OSBPL1A: variants seen among roughly 807,000 people sequenced by gnomAD.
OSBPL1A encodes oxysterol binding protein like 1A.
A neutral mutation model predicts 137.1 loss-of-function variants in OSBPL1A; 80 were observed. The ratio of observed to expected loss-of-function variants is 0.58; its 90% CI spans 0.49 to 0.70. The LOEUF is 0.70. Ranked by LOEUF, OSBPL1A falls within the 30% of genes least tolerant of loss-of-function variation. The probability of loss-of-function intolerance (pLI) is 0.00; values close to 1 mark genes in which losing one functional copy is unlikely to be tolerated. For synonymous variants in OSBPL1A, 365 were observed against 389.7 expected (o/e 0.94, Z 0.75); for missense variants, 970 against 1,129.4 (o/e 0.86, Z 2.02).
intron 10 of OSBPL1A, 23 bp from the exon 11 acceptor site, chr18:24,317,235 T>C (rs1335604366): frequency 1.9e-6 from 3 of 1,612,798 alleles, no homozygotes; most frequent in African/African-American, 2.7e-5. Context: ...AATGAAATTA[T>C]CAAGACAAAA....
intron 18 of OSBPL1A, 163 bp downstream of exon 18, chr18:24,195,962 T>C: frequency 1.6e-6 from 1 of 616,306 alleles, no homozygotes; most frequent in Non-Finnish European, 2.9e-6. Flanking sequence ...GCTCAAATTC[T>C]TGTCAGAAAA....
rs2090922445 is a variant in OSBPL1A at position 24,324,118 on chromosome 18, G to A, written c.626-5309C>T. Among the ~76,000 whole-genome samples the A allele has an allele frequency of 2.6e-5, 2 of 77,384 alleles. 1 individual carries two copies. The highest frequency in any genetic ancestry group is 1.4e-4 in the African/African-American group (2 of 14,212). 50.8% of individuals were successfully genotyped at this position (77,384 alleles called of 152,430 possible). On this transcript the variant is annotated intron_variant, in intron 7 of 27. Transcript: ENST00000319481. ...AGCACTTGTAATCCCAGCTACTCAG[G>A]AGGCTGAGGCAGAGAACTGCTTGAA...
At chr18:24,244,982 G>C (rs1288215451) in intron 15 of OSBPL1A, among the ~76,000 whole-genome samples, 1 of 152,166 alleles carries the variant, frequency 6.6e-6, no homozygotes, top group Non-Finnish European at 1.5e-5. Context: ...TTGATGATCA[G>C]TCTTCCAACT....
chr18:24,337,140 A>G (rs944187236), intron 5 of OSBPL1A, among the ~76,000 whole-genome samples: 1 of 152,158 alleles, frequency 6.6e-6, no homozygotes, highest in African/African-American at 2.4e-5. Context: ...TAATCACAAG[A>G]GAAAAACCAA....
At chr18:24,376,398 T>C (rs1359626473) in intron 2 of OSBPL1A, among the ~76,000 whole-genome samples, 5 of 152,162 alleles carry the variant, frequency 3.3e-5, no homozygotes, top group African/African-American at 9.7e-5. Flanking sequence ...AGGGTGCTGA[T>C]TGGTGTGTTT....
chr18:24,395,400 G>A (rs1223470347), intron 1 of OSBPL1A, among the ~76,000 whole-genome samples: 2 of 152,120 alleles, frequency 1.3e-5, no homozygotes, highest in Non-Finnish European at 2.9e-5. Context: ...CAAGAGGTAA[G>A]AAACTGACAC....
In OSBPL1A at chr18:24,331,551, C is replaced by T. The variant is rs9989572; in HGVS notation, c.625+1391G>A. 6.7e-3 allele frequency among the ~76,000 whole-genome samples: 1,018 copies of T among 151,752 alleles called. 24 individuals carry two copies. The highest frequency in any genetic ancestry group is 0.023 in the African/African-American group (956 of 41,244). ...AGCTGGGACTACAGGCGCCCGCCACCACGCCCGGCTAATTTTTTGTATTTT... is the reference window on the plus strand; with the variant it reads ...AGCTGGGACTACAGGCGCCCGCCACTACGCCCGGCTAATTTTTTGTATTTT... On this transcript the variant is annotated intron_variant, in intron 7 of 27. Coordinates refer to ENST00000319481, the MANE Select transcript of OSBPL1A (RefSeq NM_080597.4).
intron 21 of OSBPL1A, among the ~76,000 whole-genome samples, chr18:24,172,928 A>C (rs1251526453): frequency 6.6e-6 from 1 of 152,186 alleles, no homozygotes; most frequent in Non-Finnish European, 1.5e-5. Flanking sequence ...AAATCATTCT[A>C]CCATAAAGAT....
Position 24,368,367 on chromosome 18 carries a change from T to C in OSBPL1A, c.127A>G (p.Ser43Gly), listed in dbSNP as rs554660146. The C allele has an allele frequency of 9.9e-6, 16 of 1,611,834 alleles. No individual in the cohort carries two copies. In the Admixed American group the frequency reaches 1.3e-4, roughly 13 times the overall value. The change falls in exon 3 of 28, where the codon AGT (serine) becomes GGT (glycine). Residue 43 changes from serine (S) to glycine (G), a missense_variant. By Grantham distance (56) the Ser-to-Gly change is moderately conservative (BLOSUM62 0). Transcript: ENST00000319481. ...VIADINCKGR[S>G]KSNLGWTPLH... ...GGTGTCCAGCCCAAGTTAGACTTAC[T>C]TCTTCCTAAAAATGGAAAAATATAA...
chr18:24,237,960 G>T (rs1003773443), intron 16 of OSBPL1A, among the ~76,000 whole-genome samples: 1 of 151,992 alleles, frequency 6.6e-6, no homozygotes. Flanking sequence ...TTGTCCAATT[G>T]TTCCCAAATC....
intron 18 of OSBPL1A, among the ~76,000 whole-genome samples, chr18:24,193,437 G>A (rs1288494128): frequency 6.7e-6 from 1 of 149,532 alleles, no homozygotes; most frequent in Non-Finnish European, 1.5e-5. Context: ...GCAGTGAGCC[G>A]AGACTGCACC....
At chr18:24,341,733 A>G in intron 4 of OSBPL1A, 75 bp from the exon 5 acceptor site, 1 of 911,758 alleles carries the variant, frequency 1.1e-6, no homozygotes, top group East Asian at 2.5e-5. Context: ...CAAATTACTA[A>G]CTACTACAGA....
At chr18:24,327,602 T>C (rs2091004990) in intron 7 of OSBPL1A, among the ~76,000 whole-genome samples, 1 of 151,766 alleles carries the variant, frequency 6.6e-6, no homozygotes, top group Non-Finnish European at 1.5e-5. Context: ...AGAGACAGGA[T>C]TTCATCATGT....
intron 21 of OSBPL1A, among the ~76,000 whole-genome samples, chr18:24,175,104 G>GTGTGTATATATATATATATA (rs1491534405): frequency 7.0e-5 from 3 of 42,716 alleles, no homozygotes; most frequent in Non-Finnish European, 9.9e-5. Context: ...TTTGCCATGT[G>GTGTGTATATATATATATATA]TATGTATATA....
intron 15 of OSBPL1A, among the ~76,000 whole-genome samples, chr18:24,248,769 T>C (rs1439680241): frequency 6.6e-6 from 1 of 152,136 alleles, no homozygotes; most frequent in African/African-American, 2.4e-5. Context: ...GGTAAATAAA[T>C]AGGGCATTTT....
chr18:24,318,614 C>A lies in OSBPL1A; in HGVS notation c.719G>T (p.Gly240Val), dbSNP rs762771282. The change falls in exon 9 of 28, where the codon GGC (glycine) becomes GTC (valine). Residue 240 changes from glycine (G) to valine (V), a missense_variant. Physicochemically the swap from Gly to Val is moderately radical, Grantham distance 109 (BLOSUM62 -3). Around this residue, in one of 2 missense-constraint regions of OSBPL1A, gnomAD observed 647 missense variants for 672.6 expected, o/e 0.96. Coordinates refer to ENST00000319481, the MANE Select transcript of OSBPL1A (RefSeq NM_080597.4). ...ACCTCAACTTACCTTCCAGAGAGGG[C>A]CCTCATATCGTTTCAATGCTTTGTA... ...VIYKALKRYE[G>V]PLWKSSRFFG... The A allele has an allele frequency of 6.2e-7, 1 of 1,609,544 alleles. No individual in the cohort carries two copies. Among genetic ancestry groups the A allele is most frequent in the Non-Finnish European group, 8.5e-7 (1 of 1,179,024 alleles).
chr18:24,269,822 T>C (rs1254674481), intron 15 of OSBPL1A, among the ~76,000 whole-genome samples: 2 of 147,906 alleles, frequency 1.4e-5, no homozygotes, highest in African/African-American at 2.5e-5. Flanking sequence ...TCAGGATAGA[T>C]CTTGAGTCAC....
intron 15 of OSBPL1A, among the ~76,000 whole-genome samples, chr18:24,278,119 C>G (rs371815073): frequency 6.6e-5 from 10 of 152,286 alleles, no homozygotes; most frequent in African/African-American, 2.4e-4. Flanking sequence ...AACGGGTCCA[C>G]CAGACTTTCA....
rs1188298026 is a variant in OSBPL1A at position 24,253,164 on chromosome 18, TGGC to T, written c.1282-13785_1282-13783del. The stretch of plus-strand genomic sequence containing the variant: ...GACTAAACTCTCCAATGAAAAGACA[TGGC>T]GGGGGGGGGCGCTGAATGGATGAAA... On this transcript the variant is annotated intron_variant, in intron 15 of 27. Coordinates refer to ENST00000319481, the MANE Select transcript of OSBPL1A (RefSeq NM_080597.4). Among the ~76,000 whole-genome samples the T allele has an allele frequency of 6.9e-5, 4 of 58,062 alleles. 1 individual carries two copies. The highest frequency in any genetic ancestry group is 2.2e-4 in the Admixed American group (1 of 4,454). 38.1% of individuals were successfully genotyped at this position (58,062 alleles called of 152,430 possible). A position where few individuals can be genotyped will look rare whatever the true frequency, so the allele number is the denominator to read the frequency against.
Sources: gnomAD v4.1 joint callset for allele counts (sites outside exome capture counted in the v4.1 genomes callset) on GRCh38, gnomAD v4.1.1 for gene constraint, gnomAD v4.1.1 regional missense constraint, MANE v1.5 for transcripts, NCBI Gene and HGNC (gene_info 2026-07-23, HGNC 2026-07-21) for gene names.